Variants in VRK1 observed in about 807,000 individuals in gnomAD.
VRK1 encodes the protein serine/threonine-protein kinase VRK1.
VRK1 carries 33 observed loss-of-function variants against 57.1 expected under a neutral mutation model. That is an observed-to-expected ratio of 0.58 (90% CI 0.44 to 0.77). The LOEUF is 0.77. Ranked by LOEUF, VRK1 falls within the 30% of genes least tolerant of loss-of-function variation. VRK1 has a pLI of 0.00. For synonymous variants in VRK1, 137 were observed against 147.8 expected (o/e 0.93, Z 0.53); for missense variants, 413 against 477.3 (o/e 0.87, Z 1.25).
intron 1 of VRK1, among the ~76,000 whole-genome samples, chr14:96,818,214 C>CT (rs1449020973): frequency 6.6e-6 from 1 of 152,222 alleles, no homozygotes; most frequent in African/African-American, 2.4e-5. Flanking sequence ...CAGTTGAAAA[C>CT]TAACTCTGCA....
At chr14:96,817,957 C>A (rs528401268) in intron 1 of VRK1, among the ~76,000 whole-genome samples, 2 of 152,084 alleles carry the variant, frequency 1.3e-5, no homozygotes, top group African/African-American at 4.8e-5. Flanking sequence ...GTCTGACTCT[C>A]TTGGATAGGC....
At chr14:96,817,492 C>G (rs867270077) in intron 1 of VRK1, among the ~76,000 whole-genome samples, 16 of 151,624 alleles carry the variant, frequency 1.1e-4, no homozygotes, top group African/African-American at 3.2e-4. Flanking sequence ...AAAGTTCTTT[C>G]ATGTTTTCAT....
chr14:96,862,160 T>C (rs567404446), intron 11 of VRK1, among the ~76,000 whole-genome samples: 5 of 151,888 alleles, frequency 3.3e-5, no homozygotes, highest in African/African-American at 1.2e-4. Context: ...GGAGAAAATG[T>C]AGTTTCTGCA....
chr14:96,845,959 T>G, intron 3 of VRK1, 136 bp from the exon 4 acceptor site: 1 of 785,262 alleles, frequency 1.3e-6, no homozygotes, highest in South Asian at 1.6e-5. Flanking sequence ...TGACTTAATC[T>G]TAACACAGTT....
At chr14:96,874,100 A>G (rs1595690381) in intron 11 of VRK1, among the ~76,000 whole-genome samples, 1 of 152,204 alleles carries the variant, frequency 6.6e-6, no homozygotes, top group Non-Finnish European at 1.5e-5. Flanking sequence ...AGCTCCCTTT[A>G]TGATGAGCAT....
chr14:96,833,708 G>C (rs1887104341), intron 2 of VRK1, 77 bp downstream of exon 2: 1 of 1,596,110 alleles, frequency 6.3e-7, no homozygotes, highest in African/African-American at 1.3e-5. Context: ...TCATTTATGA[G>C]CTGTTATGGG....
Position 96,874,126 on chromosome 14 carries a change from C to G in VRK1, c.1069-1904C>G, listed in dbSNP as rs139333385. ...TGATGAGCATTTAAAAATCTGCTCT[C>G]CAAAAACTGGGAAATGCATTCTCTG... On this transcript the variant is annotated intron_variant, in intron 11 of 12. Coordinates refer to ENST00000216639, the MANE Select transcript of VRK1 (RefSeq NM_003384.3). Among the ~76,000 whole-genome samples the G allele has an allele frequency of 1.2e-3, 178 of 152,284 alleles. 2 individuals carry two copies. The highest frequency in any genetic ancestry group is 4.0e-3 in the African/African-American group (165 of 41,554).
intron 1 of VRK1, among the ~76,000 whole-genome samples, chr14:96,819,570 A>G (rs1339249669): frequency 6.6e-6 from 1 of 152,222 alleles, no homozygotes. Context: ...TTAAATCATT[A>G]TAACTAGGCT....
chr14:96,822,727 T>G (rs765220478), intron 1 of VRK1, among the ~76,000 whole-genome samples: 1 of 152,232 alleles, frequency 6.6e-6, no homozygotes, highest in Non-Finnish European at 1.5e-5. Context: ...TGCATGATTT[T>G]CAATTTGATT....
intron 1 of VRK1, among the ~76,000 whole-genome samples, chr14:96,799,915 G>A (rs1472890632): frequency 6.6e-6 from 1 of 150,948 alleles, no homozygotes; most frequent in African/African-American, 2.4e-5. Flanking sequence ...TTTTGCTGAA[G>A]CAAGTTTTCT....
At chr14:96,847,123 T>C (rs1337960825) in intron 4 of VRK1, 134 bp from the exon 5 acceptor site, 5 of 687,040 alleles carry the variant, frequency 7.3e-6, no homozygotes, top group Non-Finnish European at 1.3e-5. Flanking sequence ...TATACTGTAT[T>C]CTTCATTTTC....
intron 1 of VRK1, among the ~76,000 whole-genome samples, chr14:96,815,598 A>T (rs547169985): frequency 6.6e-6 from 1 of 152,242 alleles, no homozygotes; most frequent in East Asian, 1.9e-4. Flanking sequence ...CAAATGAGAA[A>T]AAAAGCCGGG....
chr14:96,878,580 A>G (rs1422700935), intron 12 of VRK1, among the ~76,000 whole-genome samples: 1 of 152,196 alleles, frequency 6.6e-6, no homozygotes, highest in African/African-American at 2.4e-5. Flanking sequence ...AAAAATGTGT[A>G]TAATTTTCTA....
At chr14:96,821,320 A>C (rs1179152571) in intron 1 of VRK1, among the ~76,000 whole-genome samples, 1 of 152,136 alleles carries the variant, frequency 6.6e-6, no homozygotes, top group African/African-American at 2.4e-5. Context: ...GAGAGCTTAG[A>C]AAGTCTAGAG....
intron 11 of VRK1, among the ~76,000 whole-genome samples, chr14:96,866,066 A>G (rs1322507566): frequency 1.3e-5 from 2 of 151,946 alleles, no homozygotes; most frequent in African/African-American, 4.8e-5. Context: ...TTTGGATGCT[A>G]TGAGCTTCTT....
intron 3 of VRK1, among the ~76,000 whole-genome samples, chr14:96,838,117 G>A (rs1274435194): frequency 6.6e-6 from 1 of 151,780 alleles, no homozygotes; most frequent in Admixed American, 6.6e-5. Context: ...CTACTTTTAT[G>A]GATACTTTTT....
At chr14:96,856,492 T>G in intron 9 of VRK1, 36 bp from the exon 10 acceptor site, 1 of 1,560,740 alleles carries the variant, frequency 6.4e-7, no homozygotes, top group Non-Finnish European at 8.8e-7. Context: ...ACATATGACA[T>G]CAAGCTTCAG....
At chr14:96,832,035 T>C (rs539442124) in intron 1 of VRK1, among the ~76,000 whole-genome samples, 1 of 138,278 alleles carries the variant, frequency 7.2e-6, no homozygotes, top group South Asian at 2.1e-4. Flanking sequence ...AGAGACACTT[T>C]TATTTATTTT....
chr14:96,853,544 G>C (rs978366463), intron 7 of VRK1, among the ~76,000 whole-genome samples: 1 of 151,938 alleles, frequency 6.6e-6, no homozygotes, highest in Admixed American at 6.6e-5. Context: ...TCTATTACTT[G>C]GAAAATTTGG....
Sources: allele counts gnomAD v4.1 joint callset (sites outside exome capture counted in the v4.1 genomes callset), GRCh38; gene constraint gnomAD v4.1.1; transcripts MANE v1.5; gene names NCBI Gene and HGNC (gene_info 2026-07-23, HGNC 2026-07-21).